MACROD2: variants seen among roughly 807,000 people sequenced by gnomAD.
MACROD2 encodes the protein mono-ADP ribosylhydrolase 2.
MACROD2 carries 36 observed loss-of-function variants against 70.4 expected under a neutral mutation model. That is an observed-to-expected ratio of 0.51 (90% CI 0.39 to 0.68). The LOEUF (loss-of-function observed/expected upper bound fraction) is 0.68. MACROD2 is among the 30% of genes least tolerant of loss of function. MACROD2 has a pLI of 0.00. For missense variants in MACROD2, 496 were observed against 538.4 expected, an observed-to-expected ratio of 0.92 and a Z score of 0.78; for synonymous variants, 172 against 178.8, an observed-to-expected ratio of 0.96 and a Z score of 0.30.
At chr20:14,201,116 G>T (rs912231237) in intron 3 of MACROD2, among the ~76,000 whole-genome samples, 3 of 151,748 alleles carry the variant, frequency 2.0e-5, no homozygotes, top group Non-Finnish European at 4.4e-5. Context: ...TTCTCTACTT[G>T]CACTACAGAT....
At chr20:15,452,069 G>A (rs2046651577) in intron 7 of MACROD2, among the ~76,000 whole-genome samples, 1 of 152,090 alleles carries the variant, frequency 6.6e-6, no homozygotes. Context: ...CTGCTCACCT[G>A]TTGTCTATCA....
At chr20:15,726,563 C>G (rs892699732) in intron 8 of MACROD2, among the ~76,000 whole-genome samples, 1 of 152,138 alleles carries the variant, frequency 6.6e-6, no homozygotes, top group African/African-American at 2.4e-5. Flanking sequence ...TATAAGCATT[C>G]TCTTTTTTCT....
chr20:14,307,009 G>A lies in MACROD2; in HGVS notation c.272-186470G>A, dbSNP rs1285413948. Reference sequence around the variant, plus strand: ...TCAAAGTGTGAACCGTGGACTAAATGTAAACACACACACACACACACACAC... The same window carrying A: ...TCAAAGTGTGAACCGTGGACTAAATATAAACACACACACACACACACACAC... On this transcript the variant is annotated intron_variant, in intron 3 of 17. Coordinates refer to ENST00000684519, the MANE Select transcript of MACROD2 (RefSeq NM_001351661.2). Among the ~76,000 whole-genome samples, 49 of 77,320 alleles carry A rather than the reference G, an allele frequency of 6.3e-4. No individual in the cohort carries two copies. In the Admixed American group the frequency reaches 7.9e-3, roughly 12 times the overall value. The allele number at this position is 77,320 out of a possible 152,430, so 50.7% of individuals were successfully genotyped here. A position where few individuals can be genotyped will look rare whatever the true frequency, so the allele number is the denominator to read the frequency against.
chr20:15,613,957 C>G (rs1568929385), intron 8 of MACROD2, among the ~76,000 whole-genome samples: 3 of 152,164 alleles, frequency 2.0e-5, no homozygotes, highest in Non-Finnish European at 4.4e-5. Flanking sequence ...GCACCTTACA[C>G]CTATGGGAGC....
At chr20:14,700,119 C>T (rs893885083) in intron 5 of MACROD2, among the ~76,000 whole-genome samples, 37 of 151,586 alleles carry the variant, frequency 2.4e-4, no homozygotes, top group African/African-American at 8.8e-4. Context: ...AATTTTAAAT[C>T]TAGAAGTTTA....
chr20:15,863,819 C>T (rs2064457562), intron 9 of MACROD2, among the ~76,000 whole-genome samples: 1 of 152,182 alleles, frequency 6.6e-6, no homozygotes, highest in South Asian at 2.1e-4. Context: ...CTATCCAGAA[C>T]AGCTGTAGAA....
intron 3 of MACROD2, among the ~76,000 whole-genome samples, chr20:14,391,839 G>A (rs2083530000): frequency 6.9e-6 from 1 of 145,694 alleles, no homozygotes; most frequent in Admixed American, 7.0e-5. Flanking sequence ...GGAGGGAGGT[G>A]GACACGGGTT....
intron 5 of MACROD2, among the ~76,000 whole-genome samples, chr20:15,032,784 A>G (rs1245693156): frequency 6.6e-6 from 1 of 152,260 alleles, no homozygotes; most frequent in Admixed American, 6.5e-5. Context: ...ACCAATGTTC[A>G]TAGCAGCATT....
intron 8 of MACROD2, among the ~76,000 whole-genome samples, chr20:15,696,778 A>G (rs1431322871): frequency 1.4e-5 from 2 of 147,074 alleles, no homozygotes; most frequent in African/African-American, 5.1e-5. Context: ...GATTTAAGCT[A>G]GGAGGGTTGT....
At chr20:15,147,122 A>G (rs977922514) in intron 5 of MACROD2, among the ~76,000 whole-genome samples, 1 of 152,210 alleles carries the variant, frequency 6.6e-6, no homozygotes, top group African/African-American at 2.4e-5. Flanking sequence ...CAGAGTAGAA[A>G]AAAGTGAGCC....
intron 5 of MACROD2, among the ~76,000 whole-genome samples, chr20:14,699,322 G>T (rs1200341499): frequency 6.6e-6 from 1 of 152,174 alleles, no homozygotes; most frequent in East Asian, 1.9e-4. Flanking sequence ...CTTACAACTT[G>T]CTTAAATGTT....
At chr20:14,335,137 C>T (rs1158946968) in intron 3 of MACROD2, among the ~76,000 whole-genome samples, 1 of 152,112 alleles carries the variant, frequency 6.6e-6, no homozygotes, top group Non-Finnish European at 1.5e-5. Flanking sequence ...AAGGAGGAAG[C>T]CTTAGGGTGT....
At chr20:14,029,307 G>C (rs569819349) in intron 2 of MACROD2, among the ~76,000 whole-genome samples, 1 of 152,242 alleles carries the variant, frequency 6.6e-6, no homozygotes, top group East Asian at 1.9e-4. Context: ...GGGAAAAAAC[G>C]CATCATAGAA....
chr20:14,623,392 G>A (rs1402302976), intron 4 of MACROD2, among the ~76,000 whole-genome samples: 19 of 152,152 alleles, frequency 1.2e-4, no homozygotes. Flanking sequence ...ATAAGGGAGA[G>A]TTTATGAACG....
chr20:14,457,507 T>C (rs2084317501), intron 3 of MACROD2, among the ~76,000 whole-genome samples: 1 of 152,158 alleles, frequency 6.6e-6, no homozygotes. Context: ...ACTCTGCTAT[T>C]TAGATTCTAT....
intron 3 of MACROD2, among the ~76,000 whole-genome samples, chr20:14,427,687 G>T (rs995565741): frequency 6.6e-6 from 1 of 151,962 alleles, no homozygotes; most frequent in African/African-American, 2.4e-5. Context: ...TATAATGAAT[G>T]ATTTCTCTTT....
intron 4 of MACROD2, among the ~76,000 whole-genome samples, chr20:14,520,627 C>G (rs1025712399): frequency 5.3e-5 from 8 of 152,040 alleles, no homozygotes; most frequent in African/African-American, 1.2e-4. Context: ...TTTTCATCTT[C>G]CCTGGTGAAC....
intron 8 of MACROD2, among the ~76,000 whole-genome samples, chr20:15,791,149 ATTC>A (rs2063621308): frequency 6.6e-6 from 1 of 151,860 alleles, no homozygotes. Flanking sequence ...GTAGTTAGTC[ATTC>A]TTCTCAATTC....
At chr20:14,056,195 A>T (rs2053629050) in intron 2 of MACROD2, among the ~76,000 whole-genome samples, 1 of 152,076 alleles carries the variant, frequency 6.6e-6, no homozygotes, top group South Asian at 2.1e-4. Context: ...TAAAAAAATT[A>T]TTAGCAAACA....
Sources: gnomAD v4.1 joint callset for allele counts (sites outside exome capture counted in the v4.1 genomes callset) on GRCh38, gnomAD v4.1.1 for gene constraint, MANE v1.5 for transcripts, NCBI Gene and HGNC (gene_info 2026-07-23, HGNC 2026-07-21) for gene names.